The following SCHIP1 variants were observed in gnomAD, a reference collection of about 807,000 sequenced individuals.
SCHIP1 encodes the protein schwannomin interacting protein 1.
SCHIP1 carries 8 observed loss-of-function variants against 29.7 expected under a neutral mutation model. That is an observed-to-expected ratio of 0.27 (90% confidence interval 0.16 to 0.49). SCHIP1 has a LOEUF of 0.49. Among genes scored for constraint, SCHIP1 ranks in the 20% least tolerant of loss-of-function variants. The pLI is 0.99. For missense variants in SCHIP1, 193 were observed against 294.6 expected, an observed-to-expected ratio of 0.66 and a Z score of 2.52; for synonymous variants, 76 against 94.9, an observed-to-expected ratio of 0.80 and a Z score of 1.16.
chr3:159,712,204 T>C, the SCHIP1 span, among the ~76,000 whole-genome samples: 2 of 152,146 alleles, frequency 1.3e-5, no homozygotes, highest in African/African-American at 2.4e-5. Context: ...AAGTTAAAGC[T>C]AAATCACATC....
the SCHIP1 span, among the ~76,000 whole-genome samples, chr3:159,571,559 A>G: frequency 2.0e-5 from 3 of 152,202 alleles, no homozygotes; most frequent in East Asian, 3.8e-4. Flanking sequence ...TTTCACATCA[A>G]TGTTCATCAG....
At chr3:159,749,847 TTATAG>T in the SCHIP1 span, among the ~76,000 whole-genome samples, 1 of 152,188 alleles carries the variant, frequency 6.6e-6, no homozygotes, top group Admixed American at 6.5e-5. Context: ...AATGAACGTA[TTATAG>T]TATAATAAAG....
chr3:159,797,896 G>A, the SCHIP1 span, among the ~76,000 whole-genome samples: 1 of 152,242 alleles, frequency 6.6e-6, no homozygotes, highest in African/African-American at 2.4e-5. Context: ...GAGGAAAGCA[G>A]GAAGAGGCAG....
chr3:159,481,641 T>G, the SCHIP1 span, among the ~76,000 whole-genome samples: 1 of 152,178 alleles, frequency 6.6e-6, no homozygotes, highest in Non-Finnish European at 1.5e-5. Flanking sequence ...TAGGAGTAAC[T>G]GCCAGTTTGG....
chr3:159,615,997 G>C, the SCHIP1 span, among the ~76,000 whole-genome samples: 4 of 152,112 alleles, frequency 2.6e-5, no homozygotes, highest in African/African-American at 9.7e-5. Flanking sequence ...GAGTCTATCT[G>C]AGGCCTGCAC....
chr3:159,856,529 A>G (rs1297554447), intron 1 of SCHIP1, among the ~76,000 whole-genome samples: 1 of 152,210 alleles, frequency 6.6e-6, no homozygotes, highest in Non-Finnish European at 1.5e-5. Flanking sequence ...AATTTAATAT[A>G]GAATATGGCA....
chr3:159,856,946 G>A lies in SCHIP1; in HGVS notation c.31-9217G>A, dbSNP rs115459725. Among the ~76,000 whole-genome samples, 1,478 of 152,214 alleles carry A rather than the reference G, an allele frequency of 9.7e-3. 27 individuals carry two copies. Among genetic ancestry groups the A allele is most frequent in the African/African-American group, 0.033 (1,390 of 41,520 alleles). On this transcript the variant is annotated intron_variant, in intron 1 of 6. Transcript: ENST00000445224. The stretch of plus-strand genomic sequence containing the variant: ...CAATTACTGAGGAAAAACAGCCGTC[G>A]ACCTCCATTAACCCTCACGTCTTCC...
At chr3:159,407,188 GA>G in the SCHIP1 span, among the ~76,000 whole-genome samples, 1 of 151,868 alleles carries the variant, frequency 6.6e-6, no homozygotes, top group Non-Finnish European at 1.5e-5. Flanking sequence ...CAAAAATAAT[GA>G]AAAAATATGT....
upstream of SCHIP1, among the ~76,000 whole-genome samples, chr3:159,839,704 C>T (rs1173798092): frequency 1.1e-4 from 14 of 123,308 alleles, no homozygotes; most frequent in Middle Eastern, 6.6e-3. Flanking sequence ...AGGATGATGC[C>T]GGAGGTTAGA....
chr3:159,623,247 T>C, the SCHIP1 span, among the ~76,000 whole-genome samples: 2 of 152,102 alleles, frequency 1.3e-5, no homozygotes, highest in African/African-American at 2.4e-5. Flanking sequence ...AGACAAGACC[T>C]GAAAGGAAAT....
At chr3:159,882,990 G>A (rs1290594145) in intron 2 of SCHIP1, among the ~76,000 whole-genome samples, 2 of 152,198 alleles carry the variant, frequency 1.3e-5, no homozygotes, top group East Asian at 1.9e-4. Context: ...GGCATTCTCC[G>A]TCAAGGACAC....
the SCHIP1 span, among the ~76,000 whole-genome samples, chr3:159,584,741 A>T: frequency 2.5e-4 from 38 of 152,098 alleles, 2 homozygotes; most frequent in African/African-American, 8.0e-4. Flanking sequence ...AAACTCTGGG[A>T]TGGGACTACC....
At chr3:159,380,010 C>T in the SCHIP1 span, among the ~76,000 whole-genome samples, 1 of 152,048 alleles carries the variant, frequency 6.6e-6, no homozygotes, top group Non-Finnish European at 1.5e-5. Context: ...AGTTCGATGC[C>T]TAAGATGTGG....
chr3:159,473,791 T>C, the SCHIP1 span, among the ~76,000 whole-genome samples: 1 of 152,006 alleles, frequency 6.6e-6, no homozygotes, highest in Non-Finnish European at 1.5e-5. Context: ...ATAAAAATTT[T>C]ACTTTTGATT....
the SCHIP1 span, among the ~76,000 whole-genome samples, chr3:159,725,237 A>C: frequency 1.3e-5 from 2 of 151,462 alleles, no homozygotes; most frequent in African/African-American, 2.4e-5. Context: ...TGAGAGAGAG[A>C]GAGAAACTAA....
chr3:159,714,996 T>G, the SCHIP1 span, among the ~76,000 whole-genome samples: 1 of 152,128 alleles, frequency 6.6e-6, no homozygotes, highest in African/African-American at 2.4e-5. Flanking sequence ...CATCTCCCAG[T>G]AGGGGATGAC....
chr3:159,641,849 A>G, the SCHIP1 span, among the ~76,000 whole-genome samples: 3 of 152,174 alleles, frequency 2.0e-5, no homozygotes, highest in Non-Finnish European at 2.9e-5. Context: ...TGTAGTACAA[A>G]GGAAGTCCAC....
At chr3:159,843,969 T>G (rs1744533379) in intron 1 of SCHIP1, among the ~76,000 whole-genome samples, 1 of 152,134 alleles carries the variant, frequency 6.6e-6, no homozygotes, top group Non-Finnish European at 1.5e-5. Flanking sequence ...ATCTATCCCC[T>G]TGTTTCTTGT....
the SCHIP1 span, among the ~76,000 whole-genome samples, chr3:159,584,196 A>T: frequency 1.3e-5 from 2 of 152,114 alleles, no homozygotes; most frequent in Admixed American, 6.6e-5. Flanking sequence ...CCCTTTTGTT[A>T]TTTAGAAGTC....
Sources: gnomAD v4.1 joint callset for allele counts (sites outside exome capture counted in the v4.1 genomes callset) on GRCh38, gnomAD v4.1.1 for gene constraint, MANE v1.5 for transcripts, NCBI Gene and HGNC (gene_info 2026-07-23, HGNC 2026-07-21) for gene names.